The following DNAH7 variants were observed in gnomAD, a reference collection of about 807,000 sequenced individuals.
The protein encoded by DNAH7 is axonemal beta dynein heavy chain 7.
In DNAH7, 397 loss-of-function variants were observed where a neutral mutation model predicts 444.6. The ratio of observed to expected loss-of-function variants is 0.89; its 90% CI spans 0.82 to 0.97. The LOEUF (loss-of-function observed/expected upper bound fraction) is 0.97. Among genes scored for constraint, DNAH7 ranks in the 50% least tolerant of loss-of-function variants. The pLI, the probability that DNAH7 is intolerant of heterozygous loss-of-function variation, is 0.00. For missense variants in DNAH7, 4,902 were observed against 4,800.8 expected, an observed-to-expected ratio of 1.02 and a Z score of -0.62; for synonymous variants, 1,636 against 1,624.4, an observed-to-expected ratio of 1.01 and a Z score of -0.17.
chr2:195,782,900 C>A (rs1290243923), intron 58 of DNAH7, among the ~76,000 whole-genome samples: 2 of 152,158 alleles, frequency 1.3e-5, no homozygotes, highest in African/African-American at 4.8e-5. Flanking sequence ...ACAAGGCCCC[C>A]CCTTTAAATC....
At chr2:195,925,062 A>G (rs1319167648) in intron 22 of DNAH7, among the ~76,000 whole-genome samples, 1 of 152,214 alleles carries the variant, frequency 6.6e-6, no homozygotes, top group African/African-American at 2.4e-5. Flanking sequence ...AAAAAGTTTA[A>G]AAGACAGAGA....
chr2:195,741,247 G>A (rs138455150), intron 63 of DNAH7: 1 of 152,376 alleles, frequency 6.6e-6, no homozygotes, highest in Admixed American at 6.5e-5. Context: ...AATGTAATAG[G>A]GATCCAGTGG....
chr2:195,781,142 G>A (rs755428571), intron 58 of DNAH7, among the ~76,000 whole-genome samples: 1 of 152,184 alleles, frequency 6.6e-6, no homozygotes, highest in African/African-American at 2.4e-5. Flanking sequence ...CTGCAAATGT[G>A]AGTGGAGTTT....
intron 1 of DNAH7, among the ~76,000 whole-genome samples, chr2:196,067,933 T>C (rs1698517088): frequency 6.6e-6 from 1 of 152,212 alleles, no homozygotes; most frequent in South Asian, 2.1e-4. Flanking sequence ...GTTTAATATC[T>C]TCCCATTCTG....
intron 47 of DNAH7, among the ~76,000 whole-genome samples, chr2:195,842,331 G>C (rs941386833): frequency 1.3e-5 from 2 of 152,014 alleles, no homozygotes; most frequent in Admixed American, 1.3e-4. Context: ...GATTCTTCCA[G>C]TTTTCCTAAA....
rs1688059079 is a variant in DNAH7 at position 195,922,082 on chromosome 2, G to A, written c.3935+6C>T. The A allele has an allele frequency of 2.6e-6, 4 of 1,517,602 alleles. No individual in the cohort carries two copies. Among genetic ancestry groups the A allele is most frequent in the Non-Finnish European group, 3.7e-6 (4 of 1,092,732 alleles). The allele number at this position is 1,517,602 out of a possible 1,614,324, so 94.0% of individuals were successfully genotyped here. A position where few individuals can be genotyped will look rare whatever the true frequency, so the allele number is the denominator to read the frequency against. On this transcript the variant is annotated splice_donor_region_variant and intron_variant, in intron 24 of 64. Transcript: ENST00000312428. Reference sequence around the variant, plus strand: ...TTCCAATAGATCCTTAAATTAAAGGGTTTACCTGTAACATCTATCCGTGAG... The same window carrying A: ...TTCCAATAGATCCTTAAATTAAAGGATTTACCTGTAACATCTATCCGTGAG...
chr2:195,914,355 C>CCT (rs1228237158), intron 24 of DNAH7, among the ~76,000 whole-genome samples: 2 of 152,296 alleles, frequency 1.3e-5, no homozygotes, highest in African/African-American at 4.8e-5. Flanking sequence ...GTAATGTTAA[C>CCT]TGTAAAGGGA....
intron 16 of DNAH7, among the ~76,000 whole-genome samples, chr2:195,971,681 G>A (rs1292696524): frequency 6.6e-6 from 1 of 152,142 alleles, no homozygotes; most frequent in East Asian, 1.9e-4. Context: ...TTACTGAAAA[G>A]TCATGAGTGA....
At chr2:195,743,577 G>GA (rs1334747128) in intron 63 of DNAH7, among the ~76,000 whole-genome samples, 1 of 152,038 alleles carries the variant, frequency 6.6e-6, no homozygotes, top group Non-Finnish European at 1.5e-5. Context: ...GTAGAGATTG[G>GA]AAAAAAAGAA....
intron 10 of DNAH7, among the ~76,000 whole-genome samples, chr2:196,003,043 C>A (rs528659911): frequency 1.0e-4 from 15 of 150,124 alleles, no homozygotes; most frequent in African/African-American, 3.7e-4. Context: ...ATCATCATTT[C>A]TCTCATAATA....
chr2:195,915,799 T>C (rs1687638798), intron 24 of DNAH7, among the ~76,000 whole-genome samples: 1 of 152,194 alleles, frequency 6.6e-6, no homozygotes, highest in Non-Finnish European at 1.5e-5. Flanking sequence ...ATGGAAAGCA[T>C]GCATGCTTAG....
chr2:196,007,962 T>C (rs1694487447), intron 10 of DNAH7, among the ~76,000 whole-genome samples: 1 of 152,146 alleles, frequency 6.6e-6, no homozygotes, highest in African/African-American at 2.4e-5. Context: ...ATATTTGTGC[T>C]TCAAAGGATA....
chr2:195,965,706 A>T (rs1342146330), intron 17 of DNAH7, among the ~76,000 whole-genome samples: 1 of 152,030 alleles, frequency 6.6e-6, no homozygotes, highest in African/African-American at 2.4e-5. Flanking sequence ...CTTTGTGTGT[A>T]TCTAGGAATT....
chr2:195,798,071 C>T (rs1480612383), intron 55 of DNAH7, among the ~76,000 whole-genome samples: 1 of 152,252 alleles, frequency 6.6e-6, no homozygotes, highest in African/African-American at 2.4e-5. Flanking sequence ...TTAGGAGCTG[C>T]TGCAAGGCAG....
intron 46 of DNAH7, among the ~76,000 whole-genome samples, chr2:195,851,616 C>T (rs901284393): frequency 1.3e-5 from 2 of 152,172 alleles, no homozygotes; most frequent in African/African-American, 4.8e-5. Context: ...GTGATGATGG[C>T]AAAGTCAGAA....
At chr2:195,882,499 C>A (rs1016130284) in intron 35 of DNAH7, among the ~76,000 whole-genome samples, 1 of 152,112 alleles carries the variant, frequency 6.6e-6, no homozygotes, top group Non-Finnish European at 1.5e-5. Context: ...TTACCCTTAA[C>A]AATTTTTAGG....
intron 8 of DNAH7, 149 bp from the exon 9 acceptor site, chr2:196,019,444 T>C (rs1361630532): frequency 4.6e-5 from 25 of 544,522 alleles, no homozygotes; most frequent in Middle Eastern, 5.6e-4. Context: ...TTTTAAAATA[T>C]ATAAAGATCA....
chr2:196,014,826 A>G (rs903661082), intron 9 of DNAH7, among the ~76,000 whole-genome samples: 1 of 152,136 alleles, frequency 6.6e-6, no homozygotes, highest in African/African-American at 2.4e-5. Flanking sequence ...GTAGCACACT[A>G]TAGGCCAGTG....
intron 10 of DNAH7, among the ~76,000 whole-genome samples, chr2:196,002,825 T>C (rs1210381665): frequency 6.6e-6 from 1 of 151,940 alleles, no homozygotes; most frequent in Non-Finnish European, 1.5e-5. Flanking sequence ...CTGGCCAACA[T>C]GGTGAAACCC....
Sources: gnomAD v4.1 joint callset for allele counts (sites outside exome capture counted in the v4.1 genomes callset) on GRCh38, gnomAD v4.1.1 for gene constraint, MANE v1.5 for transcripts, NCBI Gene and HGNC (gene_info 2026-07-23, HGNC 2026-07-21) for gene names.